PIGU: variants seen among roughly 807,000 people sequenced by gnomAD.
The protein encoded by PIGU is phosphatidylinositol glycan anchor biosynthesis class U.
PIGU carries 24 observed loss-of-function variants against 49.9 expected under a neutral mutation model. The ratio of observed to expected loss-of-function variants is 0.48; its 90% CI spans 0.35 to 0.68. The LOEUF (loss-of-function observed/expected upper bound fraction) is 0.68. Among genes scored for constraint, PIGU ranks in the 30% least tolerant of loss-of-function variants. The probability of loss-of-function intolerance (pLI) is 0.01; values close to 1 mark genes in which losing one functional copy is unlikely to be tolerated. For synonymous variants in PIGU, 220 were observed against 205.7 expected (o/e 1.07, Z -0.59); for missense variants, 490 against 532.6 (o/e 0.92, Z 0.79).
chr20:34,621,594 T>C (rs928195098), intron 6 of PIGU, among the ~76,000 whole-genome samples: 1 of 151,920 alleles, frequency 6.6e-6, no homozygotes. Flanking sequence ...AGGGTGAGTA[T>C]GGAGGCAGGC....
chr20:34,650,709 T>C (rs1349486014), intron 2 of PIGU, among the ~76,000 whole-genome samples: 1 of 88,620 alleles, frequency 1.1e-5, no homozygotes, highest in African/African-American at 4.6e-5. Context: ...TCTTTTTTTT[T>C]TTTTTTTTTT....
At chr20:34,668,318 C>G (rs1037956378) in intron 1 of PIGU, among the ~76,000 whole-genome samples, 2 of 151,772 alleles carry the variant, frequency 1.3e-5, no homozygotes, top group Non-Finnish European at 2.9e-5. Context: ...CAAAGATTAG[C>G]TGGCATGGTG....
chr20:34,661,312 G>C (rs1469728645), intron 1 of PIGU, among the ~76,000 whole-genome samples: 1 of 152,076 alleles, frequency 6.6e-6, no homozygotes, highest in Non-Finnish European at 1.5e-5. Context: ...TCATCACCCA[G>C]GTAATAAGCA....
chr20:34,579,926 A>G (rs1983392517), intron 10 of PIGU, among the ~76,000 whole-genome samples: 1 of 152,200 alleles, frequency 6.6e-6, no homozygotes, highest in South Asian at 2.1e-4. Context: ...CTGCAGTGCT[A>G]TTTACAGATA....
intron 10 of PIGU, among the ~76,000 whole-genome samples, chr20:34,576,271 A>C (rs1028963598): frequency 6.6e-6 from 1 of 152,194 alleles, no homozygotes; most frequent in African/African-American, 2.4e-5. Context: ...TGGGGCTAAA[A>C]TGCACACTTC....
chr20:34,595,712 T>C (rs1033826968), intron 7 of PIGU, among the ~76,000 whole-genome samples: 3 of 152,126 alleles, frequency 2.0e-5, no homozygotes, highest in Non-Finnish European at 4.4e-5. Context: ...AAAATGAATA[T>C]AAACCCTAAC....
chr20:34,663,393 A>G lies in PIGU; in HGVS notation c.131-6149T>C, dbSNP rs912478502. Among the ~76,000 whole-genome samples the G allele has an allele frequency of 5.9e-5, 9 of 152,124 alleles. No individual in the cohort carries two copies. The East Asian group carries it at 7.8e-4, about 13-fold the overall frequency. ...TTGGGAGGCTGAAGTGGGAAGATCA[A>G]TTGAGCCCAGGAGGTCAAAGCTGCA... On this transcript the variant is annotated intron_variant, in intron 1 of 11. Transcript: ENST00000217446.
chr20:34,624,820 A>G lies in PIGU; in HGVS notation c.530-8681T>C, dbSNP rs149834867. Among the ~76,000 whole-genome samples the G allele has an allele frequency of 2.8e-3, 422 of 152,234 alleles. 1 individual carries two copies. The highest frequency in any genetic ancestry group is 9.7e-3 in the African/African-American group (401 of 41,544). On this transcript the variant is annotated intron_variant, in intron 6 of 11. Coordinates refer to ENST00000217446, the MANE Select transcript of PIGU (RefSeq NM_080476.5). ...ACTACAATAAGGACATCACAATACA[A>G]TGGCCCGAGGCTTGTCCTGGCCTGC...
intron 2 of PIGU, among the ~76,000 whole-genome samples, chr20:34,650,510 C>A (rs901613101): frequency 7.2e-5 from 11 of 152,082 alleles, no homozygotes; most frequent in Non-Finnish European, 1.6e-4. Context: ...CTCAAGTGAT[C>A]TGCCCATCTT....
chr20:34,575,403 C>T (rs1983184737), intron 10 of PIGU, among the ~76,000 whole-genome samples, 157 bp from the exon 11 acceptor site: 1 of 152,178 alleles, frequency 6.6e-6, no homozygotes, highest in African/African-American at 2.4e-5. Context: ...AAGCAAACCC[C>T]AGACTCCTCA....
intron 1 of PIGU, among the ~76,000 whole-genome samples, chr20:34,673,545 T>C (rs943486965): frequency 2.0e-5 from 3 of 152,222 alleles, no homozygotes; most frequent in South Asian, 2.1e-4. Flanking sequence ...CCTGTCAGTA[T>C]TGTACTATCA....
At chr20:34,639,535 T>C (rs1230459506) in intron 4 of PIGU, among the ~76,000 whole-genome samples, 2 of 150,262 alleles carry the variant, frequency 1.3e-5, no homozygotes, top group Admixed American at 6.7e-5. Flanking sequence ...GATGAAAGTA[T>C]GAGAGAGAGA....
chr20:34,614,291 A>G (rs1984925912), intron 7 of PIGU, among the ~76,000 whole-genome samples: 1 of 151,866 alleles, frequency 6.6e-6, no homozygotes, highest in South Asian at 2.1e-4. Flanking sequence ...AGAGTGAGAC[A>G]CTGTCTCAAA....
At chr20:34,648,898 TCA>T (rs1328847628) in intron 2 of PIGU, among the ~76,000 whole-genome samples, 4 of 152,058 alleles carry the variant, frequency 2.6e-5, no homozygotes, top group Non-Finnish European at 5.9e-5. Context: ...AGATGGAGTC[TCA>T]CTCTGTCCCC....
intron 7 of PIGU, among the ~76,000 whole-genome samples, chr20:34,613,741 G>T (rs1984905907): frequency 6.6e-6 from 1 of 152,192 alleles, no homozygotes; most frequent in South Asian, 2.1e-4. Context: ...CTTCAACTCA[G>T]CAAGAATACA....
At position 34,637,958 on chromosome 20, in the gene PIGU, G is replaced by A. The variant is rs111458430; in HGVS notation, c.346C>T (p.Leu116=). The A allele has an allele frequency of 1.3e-6, 2 of 1,574,708 alleles. No homozygotes were observed. Among genetic ancestry groups the A allele is most frequent in the Admixed American group, 2.1e-5 (1 of 48,726 alleles). ...VFKKQKLLLE[L]DQYAPDVAEL... is the part of the protein sequence containing the mutation. ...GCCACATCTGGGGCATACTGGTCCA[G>A]TTCTAGGAGGAGTTTCTGCTTTTTA... The change falls in exon 5 of 12, where the codon CTG becomes TTG. Residue 116 remains leucine, a synonymous_variant. Coordinates refer to ENST00000217446, the MANE Select transcript of PIGU (RefSeq NM_080476.5).
At chr20:34,578,221 G>A (rs927868542) in intron 10 of PIGU, among the ~76,000 whole-genome samples, 1 of 152,138 alleles carries the variant, frequency 6.6e-6, no homozygotes, top group Non-Finnish European at 1.5e-5. Context: ...CTAATCTGAA[G>A]TTTCTCAATT....
intron 6 of PIGU, among the ~76,000 whole-genome samples, chr20:34,619,276 G>A (rs1321785404): frequency 6.6e-6 from 1 of 152,170 alleles, no homozygotes; most frequent in African/African-American, 2.4e-5. Flanking sequence ...GCAGTGGCAA[G>A]CACACATCTG....
At chr20:34,562,540 G>A (rs1213021549) in intron 11 of PIGU, 1 of 1,289,368 alleles carries the variant, frequency 7.8e-7, no homozygotes, top group East Asian at 5.5e-5. Context: ...ACAAGTACCT[G>A]CCATTCTATC....
Sources: gnomAD v4.1 joint callset for allele counts (sites outside exome capture counted in the v4.1 genomes callset) on GRCh38, gnomAD v4.1.1 for gene constraint, MANE v1.5 for transcripts, NCBI Gene and HGNC (gene_info 2026-07-23, HGNC 2026-07-21) for gene names.